The following GPHN variants were observed in gnomAD, a reference collection of about 807,000 sequenced individuals.
GPHN encodes gephyrin.
GPHN carries 17 observed loss-of-function variants against 95.5 expected under a neutral mutation model. The observed-to-expected ratio is 0.18, with a 90% CI of 0.12 to 0.27. The LOEUF (loss-of-function observed/expected upper bound fraction) is 0.27, where lower values mean the gene tolerates loss of function less well. Ranked by LOEUF, GPHN falls within the 10% of genes least tolerant of loss-of-function variation. The pLI is 1.00. For missense variants in GPHN, 660 were observed against 978.1 expected, an observed-to-expected ratio of 0.67 and a Z score of 4.34; for synonymous variants, 320 against 322.5, an observed-to-expected ratio of 0.99 and a Z score of 0.08.
the GPHN span, chr14:67,352,702 C>CGG: frequency 2.4e-6 from 1 of 423,234 alleles, no homozygotes; most frequent in Non-Finnish European, 4.2e-6. Context: ...GAGAGGCAGG[C>CGG]GGGGGGCCAA....
chr14:66,774,403 G>T (rs1004318240), intron 2 of GPHN, among the ~76,000 whole-genome samples: 15 of 152,030 alleles, frequency 9.9e-5, no homozygotes, highest in African/African-American at 3.6e-4. Flanking sequence ...AAAATAATTT[G>T]AATGCAATTA....
chr14:67,271,441 G>T, the GPHN span: 7 of 152,210 alleles, frequency 4.6e-5, no homozygotes, highest in African/African-American at 7.2e-5. Context: ...GGGTCAGCCT[G>T]GTTCCTGACT....
chr14:66,989,032 G>A (rs1314117645), intron 9 of GPHN, among the ~76,000 whole-genome samples: 1 of 151,938 alleles, frequency 6.6e-6, no homozygotes, highest in Non-Finnish European at 1.5e-5. Context: ...ACATAGTCAT[G>A]TGTATCTCTA....
the GPHN span, among the ~76,000 whole-genome samples, chr14:67,327,944 C>T: frequency 2.0e-5 from 3 of 152,112 alleles, no homozygotes; most frequent in Non-Finnish European, 2.9e-5. Flanking sequence ...AGTCAATGTA[C>T]GTGTGCATGT....
chr14:66,533,735 G>A (rs1467031400), intron 1 of GPHN, among the ~76,000 whole-genome samples: 1 of 152,158 alleles, frequency 6.6e-6, no homozygotes, highest in Non-Finnish European at 1.5e-5. Flanking sequence ...AGGATAAATG[G>A]CAGCATGCAG....
At chr14:67,579,085 T>C in the GPHN span, 2 of 1,363,510 alleles carry the variant, frequency 1.5e-6, no homozygotes, top group Middle Eastern at 3.6e-4. Flanking sequence ...GGTGCCAAAG[T>C]GGCAGAGATG....
chr14:66,601,586 A>G (rs2062246928), intron 1 of GPHN, among the ~76,000 whole-genome samples: 1 of 152,062 alleles, frequency 6.6e-6, no homozygotes, highest in South Asian at 2.1e-4. Context: ...TAATACTGGG[A>G]ACTAAAGCAT....
chr14:67,360,502 G>C, the GPHN span: 1 of 322,220 alleles, frequency 3.1e-6, no homozygotes, highest in Non-Finnish European at 5.6e-6. Flanking sequence ...ACTTTGGTTT[G>C]TGTCCAGTGA....
chr14:67,379,224 A>G, the GPHN span, among the ~76,000 whole-genome samples: 1 of 152,200 alleles, frequency 6.6e-6, no homozygotes, highest in Non-Finnish European at 1.5e-5. Flanking sequence ...ATATATGCCT[A>G]GGAGTGGAAT....
intron 8 of GPHN, among the ~76,000 whole-genome samples, chr14:66,947,100 C>G (rs2067803209): frequency 6.6e-6 from 1 of 152,228 alleles, no homozygotes; most frequent in African/African-American, 2.4e-5. Flanking sequence ...TCTGTATAAT[C>G]TGGCTCCTCC....
At chr14:67,089,133 C>CTTTTTTTTTTTTTTTTTTTTTTTTTCT in intron 12 of GPHN, 58 bp downstream of exon 12, 1 of 198,576 alleles carries the variant, frequency 5.0e-6, no homozygotes, top group Non-Finnish European at 7.8e-6. Context: ...TTCTTTTTTT[C>CTTTTTTTTTTTTTTTTTTTTTTTTTCT]TTTTTTTTTT....
At chr14:67,541,863 C>A in the GPHN span, 1 of 1,590,784 alleles carries the variant, frequency 6.3e-7, no homozygotes, top group Admixed American at 1.8e-5. Context: ...GAAGTCGATT[C>A]CATCATGGCA....
At chr14:67,453,576 T>C in the GPHN span, among the ~76,000 whole-genome samples, 1 of 152,240 alleles carries the variant, frequency 6.6e-6, no homozygotes, top group Non-Finnish European at 1.5e-5. Flanking sequence ...CCCCAAAAGA[T>C]GCTGATGGCC....
chr14:66,781,212 C>G (rs1367193591), intron 3 of GPHN, among the ~76,000 whole-genome samples: 1 of 151,074 alleles, frequency 6.6e-6, no homozygotes, highest in African/African-American at 2.4e-5. Context: ...AACCACTATT[C>G]TGACTTCTTT....
chr14:67,655,925 G>C, the GPHN span, among the ~76,000 whole-genome samples: 1 of 151,986 alleles, frequency 6.6e-6, no homozygotes, highest in African/African-American at 2.4e-5. Flanking sequence ...GCTTCTAAGG[G>C]ACATCTCTCA....
At chr14:67,404,963 G>A in the GPHN span, among the ~76,000 whole-genome samples, 3 of 152,072 alleles carry the variant, frequency 2.0e-5, no homozygotes, top group African/African-American at 4.8e-5. Context: ...GCCAGGTGCG[G>A]TGGCTCACAC....
At chr14:67,456,558 C>T in the GPHN span, among the ~76,000 whole-genome samples, 7 of 150,810 alleles carry the variant, frequency 4.6e-5, no homozygotes, top group East Asian at 7.8e-4. Flanking sequence ...GCTGAGATCA[C>T]GCCATTGCAC....
At chr14:66,868,318 A>G (rs981909730) in intron 4 of GPHN, among the ~76,000 whole-genome samples, 26 of 152,198 alleles carry the variant, frequency 1.7e-4, no homozygotes, top group African/African-American at 6.3e-4. Context: ...AAGTGAAAGC[A>G]CTATACTAAG....
At chr14:67,323,764 A>T in the GPHN span, 1 of 1,606,114 alleles carries the variant, frequency 6.2e-7, no homozygotes, top group Non-Finnish European at 8.5e-7. Flanking sequence ...CACCCCCTTC[A>T]CAAGAAAGAC....
Sources: gnomAD v4.1 joint callset for allele counts (sites outside exome capture counted in the v4.1 genomes callset) on GRCh38, gnomAD v4.1.1 for gene constraint, MANE v1.5 for transcripts, NCBI Gene and HGNC (gene_info 2026-07-23, HGNC 2026-07-21) for gene names.